The following UTRN variants were observed in gnomAD, a reference collection of about 807,000 sequenced individuals.
UTRN encodes dystrophin-related protein 1.
Under a neutral mutation model 463.9 loss-of-function variants are expected in UTRN, and 283 were observed. The ratio of observed to expected loss-of-function variants is 0.61; its 90% CI spans 0.55 to 0.67. UTRN has a LOEUF of 0.67. Ranked by LOEUF, UTRN falls within the 30% of genes least tolerant of loss-of-function variation. UTRN has a pLI of 0.00. For synonymous variants in UTRN, 1,442 were observed against 1,431.5 expected, an observed-to-expected ratio of 1.01 and a Z score of -0.17; for missense variants, 3,922 against 4,084.3, an observed-to-expected ratio of 0.96 and a Z score of 1.08.
At chr6:144,494,666 C>G (rs923673835) in intron 33 of UTRN, among the ~76,000 whole-genome samples, 1 of 152,180 alleles carries the variant, frequency 6.6e-6, no homozygotes, top group Admixed American at 6.5e-5. Context: ...CTGAGCTAGA[C>G]ACAAAGGTTC....
chr6:144,510,865 GT>G (rs770711763), intron 34 of UTRN, 78 bp from the exon 35 acceptor site: 29 of 1,285,810 alleles, frequency 2.3e-5, no homozygotes, highest in Non-Finnish European at 2.9e-5. Context: ...TGGCAGAAAA[GT>G]TTTTAATAAT....
At chr6:144,768,473 G>A (rs960188021) in intron 58 of UTRN, among the ~76,000 whole-genome samples, 1 of 151,910 alleles carries the variant, frequency 6.6e-6, no homozygotes, top group Admixed American at 6.6e-5. Context: ...TTCAAAATAG[G>A]CAAAAATCTT....
intron 51 of UTRN, chr6:144,660,380 G>C (rs1779747700): frequency 2.4e-6 from 1 of 422,324 alleles, no homozygotes; most frequent in African/African-American, 2.1e-5. Flanking sequence ...TGGTGGTTTA[G>C]TATAATTTAT....
At chr6:144,565,412 AGGTTGAACATGTG>A (rs1800314284) in intron 50 of UTRN, among the ~76,000 whole-genome samples, 1 of 152,152 alleles carries the variant, frequency 6.6e-6, no homozygotes, top group Non-Finnish European at 1.5e-5. Flanking sequence ...TTCACATTGG[AGGTTGAACATGTG>A]GGACTGGATG....
At chr6:144,796,520 G>A (rs1378138485) in intron 63 of UTRN, among the ~76,000 whole-genome samples, 1 of 152,126 alleles carries the variant, frequency 6.6e-6, no homozygotes, top group Non-Finnish European at 1.5e-5. Flanking sequence ...CATTAAAGAT[G>A]TTATTAAAGT....
At chr6:144,828,131 A>G (rs1013115343) in intron 68 of UTRN, among the ~76,000 whole-genome samples, 3 of 152,164 alleles carry the variant, frequency 2.0e-5, no homozygotes, top group East Asian at 3.8e-4. Context: ...GAAAAGTGGT[A>G]TATACTAGGT....
intron 53 of UTRN, among the ~76,000 whole-genome samples, chr6:144,719,551 T>C (rs867148803): frequency 7.9e-5 from 12 of 152,134 alleles, no homozygotes; most frequent in South Asian, 4.1e-4. Flanking sequence ...CACTCAACGC[T>C]GGGCAACAAG....
intron 18 of UTRN, among the ~76,000 whole-genome samples, chr6:144,453,370 C>A (rs1463054997): frequency 6.6e-6 from 1 of 152,080 alleles, no homozygotes; most frequent in African/African-American, 2.4e-5. Context: ...TGATCCACCC[C>A]CCTCAGCCTT....
Position 144,478,490 on chromosome 6 carries a change from C to T in UTRN, c.3337-1322C>T, listed in dbSNP as rs181247160. Reference sequence around the variant, plus strand: ...TGACCAGGTTAACCTGATGATCAGCCAGGCTTGGGAATGGGATTGTGAGTG... The same window carrying T: ...TGACCAGGTTAACCTGATGATCAGCTAGGCTTGGGAATGGGATTGTGAGTG... On this transcript the variant is annotated intron_variant, in intron 25 of 74. Coordinates refer to ENST00000367545, the MANE Select transcript of UTRN (RefSeq NM_007124.3). 9.2e-5 allele frequency among the ~76,000 whole-genome samples: 14 copies of T among 152,284 alleles called. No individual in the cohort carries two copies. In the East Asian group the frequency reaches 2.5e-3, roughly 27 times the overall value.
intron 2 of UTRN, among the ~76,000 whole-genome samples, chr6:144,332,742 A>G (rs950108688): frequency 6.6e-6 from 1 of 151,964 alleles, no homozygotes; most frequent in Non-Finnish European, 1.5e-5. Context: ...TTATGACACT[A>G]TTTTTTATGT....
chr6:144,812,498 A>G (rs189472923), intron 65 of UTRN, among the ~76,000 whole-genome samples: 2 of 152,318 alleles, frequency 1.3e-5, no homozygotes, highest in Non-Finnish European at 2.9e-5. Flanking sequence ...TTTCAGCATA[A>G]AGTAAGATTA....
At chr6:144,546,210 T>C (rs1173793006) in intron 46 of UTRN, among the ~76,000 whole-genome samples, 3 of 152,318 alleles carry the variant, frequency 2.0e-5, no homozygotes, top group Non-Finnish European at 4.4e-5. Flanking sequence ...TGCCTTCTAC[T>C]TCACTAGCTG....
chr6:144,300,544 G>A (rs1433607566), intron 2 of UTRN, among the ~76,000 whole-genome samples: 1 of 152,178 alleles, frequency 6.6e-6, no homozygotes, highest in East Asian at 1.9e-4. Context: ...TACAGGAAGG[G>A]ATCTTTATTT....
chr6:144,406,963 G>T (rs1783477113), intron 3 of UTRN, among the ~76,000 whole-genome samples: 1 of 151,700 alleles, frequency 6.6e-6, no homozygotes, highest in Admixed American at 6.6e-5. Context: ...GGCCCTCCCT[G>T]GCCTTTGCAC....
chr6:144,643,938 G>A (rs1198863788), intron 51 of UTRN, among the ~76,000 whole-genome samples: 1 of 152,086 alleles, frequency 6.6e-6, no homozygotes, highest in African/African-American at 2.4e-5. Flanking sequence ...TTTCTGTCGT[G>A]TCGCATTTGT....
chr6:144,582,472 A>G (rs1434818893), intron 51 of UTRN, among the ~76,000 whole-genome samples: 3 of 152,072 alleles, frequency 2.0e-5, no homozygotes, highest in South Asian at 2.1e-4. Flanking sequence ...GTGTGTGTAT[A>G]TATATACACA....
chr6:144,839,562 A>C (rs1157655789), intron 72 of UTRN, among the ~76,000 whole-genome samples: 5 of 152,206 alleles, frequency 3.3e-5, no homozygotes, highest in Admixed American at 3.3e-4. Flanking sequence ...AAGAAATTAA[A>C]TTATTTGCTT....
chr6:144,426,142 A>G (rs1232367782), intron 6 of UTRN, 145 bp from the exon 7 acceptor site: 1 of 1,005,052 alleles, frequency 9.9e-7, no homozygotes, highest in Non-Finnish European at 1.4e-6. Flanking sequence ...GTGTCTACAG[A>G]AAAATCTGAA....
At chr6:144,568,568 G>A (rs994537057) in intron 50 of UTRN, among the ~76,000 whole-genome samples, 5 of 152,132 alleles carry the variant, frequency 3.3e-5, no homozygotes, top group African/African-American at 4.8e-5. Context: ...AGTGCTGGAT[G>A]CGATCTTAGA....
Sources: gnomAD v4.1 joint callset for allele counts (sites outside exome capture counted in the v4.1 genomes callset) on GRCh38, gnomAD v4.1.1 for gene constraint, MANE v1.5 for transcripts, NCBI Gene and HGNC (gene_info 2026-07-23, HGNC 2026-07-21) for gene names.